Variants in AJM1 observed in about 807,000 individuals in gnomAD.
AJM1 encodes uncharacterized protein C9orf172.
AJM1 carries 22 observed loss-of-function variants against 43.0 expected under a neutral mutation model. The observed-to-expected ratio is 0.51, with a 90% CI of 0.37 to 0.73. The LOEUF (loss-of-function observed/expected upper bound fraction) is 0.73. AJM1 is among the 30% of genes least tolerant of loss of function. The pLI is 0.00. For missense variants in AJM1, 1,305 were observed against 1,343.3 expected, an observed-to-expected ratio of 0.97 and a Z score of 0.45; for synonymous variants, 719 against 638.3, an observed-to-expected ratio of 1.13 and a Z score of -1.91.
In AJM1 at chr9:136,847,351, C is replaced by A; in HGVS notation, c.*6C>A. On this transcript the variant is annotated 3_prime_UTR_variant, in exon 3 of 3. Transcript: ENST00000436881. ...TGCTGGACGACATCATGTGAGGCGC[C>A]GGGCCCACCAGGCCTAGCCCAGGCG... 1 of 1,504,774 alleles carries A rather than the reference C, an allele frequency of 6.6e-7. No individual in the cohort carries two copies. The highest frequency in any genetic ancestry group is 1.2e-5 in the South Asian group (1 of 80,598). 93.2% of individuals were successfully genotyped at this position (1,504,774 alleles called of 1,614,324 possible). A position where few individuals can be genotyped will look rare whatever the true frequency, so the allele number is the denominator to read the frequency against.
chr9:136,844,140 G>GA (rs1848735832), intron 1 of AJM1, among the ~76,000 whole-genome samples, 56 bp from the exon 2 acceptor site: 1 of 152,220 alleles, frequency 6.6e-6, no homozygotes, highest in African/African-American at 2.4e-5. Context: ...CCATCGCAGG[G>GA]AGAGGACGGG....
chr9:136,845,773 G>T lies in AJM1; in HGVS notation c.1359G>T (p.Leu453=). The change falls in exon 3 of 3, where the codon CTG becomes CTT. Residue 453 remains leucine (L), a synonymous_variant. Coordinates refer to ENST00000436881, the MANE Select transcript of AJM1 (RefSeq NM_001080482.5). ...ACTCGCGCTCCTGGGACAACATTCTGGCCCCGGGGCCGCGCCGAGAAGACC... is the reference window on the plus strand; with the variant it reads ...ACTCGCGCTCCTGGGACAACATTCTTGCCCCGGGGCCGCGCCGAGAAGACC... ...RHYSRSWDNI[L]APGPRREDPL... 6.3e-7 allele frequency: 1 copy of T among 1,575,182 alleles called. No homozygotes were observed. Among genetic ancestry groups the T allele is most frequent in the Non-Finnish European group, 8.6e-7 (1 of 1,168,258 alleles).
rs1440934221 is a variant in AJM1 at position 136,847,099 on chromosome 9, C to G, written c.2685C>G (p.Arg895=). Residue 895 remains arginine, a synonymous_variant, in exon 3 of 3, where the codon CGC becomes CGG. Transcript: ENST00000436881. The stretch of plus-strand genomic sequence containing the variant: ...ACGGCGAGGCGGGCCGGCGCGCGCG[C>G]GAGGTGGCCTTCATCCACATCCAGC... The part of the protein sequence containing the change: ...DQDGEAGRRA[R]EVAFIHIQRE... The G allele has an allele frequency of 1.1e-5, 17 of 1,527,452 alleles. No individual in the cohort carries two copies. Among genetic ancestry groups the G allele is most frequent in the Non-Finnish European group, 1.5e-5 (17 of 1,140,570 alleles). 94.6% of individuals were successfully genotyped at this position (1,527,452 alleles called of 1,614,324 possible).
chr9:136,846,331 C>T lies in AJM1; in HGVS notation c.1917C>T (p.Ala639=), dbSNP rs1848774308. ...CGCCCCCCGCCTCGGCCGGCAGCGC[C>T]GAGGAGCCCGCGGCCCCGGGAGAGG... ...PRSPPASAGS[A]EEPAAPGEAA... The change falls in exon 3 of 3, where the codon GCC becomes GCT. Residue 639 remains alanine, a synonymous_variant. Coordinates refer to ENST00000436881, the MANE Select transcript of AJM1 (RefSeq NM_001080482.5). 4.6e-6 allele frequency: 6 copies of T among 1,292,006 alleles called. No homozygotes were observed. The South Asian group carries it at 1.0e-4, about 22-fold the overall frequency. The allele number at this position is 1,292,006 out of a possible 1,614,324, so 80.0% of individuals were successfully genotyped here.
Position 136,847,374 on chromosome 9 carries a change from G to A in AJM1, c.*29G>A. 1 of 1,457,760 alleles carries A rather than the reference G, an allele frequency of 6.9e-7. No individual in the cohort carries two copies. Among genetic ancestry groups the A allele is most frequent in the Non-Finnish European group, 9.1e-7 (1 of 1,104,482 alleles). The allele number at this position is 1,457,760 out of a possible 1,614,324, so 90.3% of individuals were successfully genotyped here. ...GCCGGGCCCACCAGGCCTAGCCCAG[G>A]CGCTGGCCCGAACCCTGCCCTGCCC... On this transcript the variant is annotated 3_prime_UTR_variant, in exon 3 of 3. Coordinates refer to ENST00000436881, the MANE Select transcript of AJM1 (RefSeq NM_001080482.5).
rs1848762010 is a variant in AJM1, at chr9:136,845,607, G to C, written c.1193G>C (p.Ser398Thr). 13 of 1,582,512 alleles carry C rather than the reference G, an allele frequency of 8.2e-6. No individual in the cohort carries two copies. The highest frequency in any genetic ancestry group is 1.1e-5 in the Non-Finnish European group (13 of 1,169,832). Residue 398 changes from serine to threonine, a missense_variant, in exon 3 of 3, where the codon AGC becomes ACC. By Grantham distance (58) the Ser-to-Thr change is moderately conservative. Coordinates refer to ENST00000436881, the MANE Select transcript of AJM1 (RefSeq NM_001080482.5). ...LARTYPHPRS[S>T]PAWADWGPRP... ...CGGACGTACCCGCACCCGCGCAGCA[G>C]CCCGGCCTGGGCGGACTGGGGCCCG...
At chr9:136,843,545 G>C (rs1297512995) in intron 1 of AJM1, among the ~76,000 whole-genome samples, 3 of 152,258 alleles carry the variant, frequency 2.0e-5, no homozygotes, top group Admixed American at 1.3e-4. Context: ...CAAACCCTAG[G>C]GGGGTGTCCT....
At position 136,845,017 on chromosome 9, in the gene AJM1, C is replaced by T; in HGVS notation, c.603C>T (p.Thr201=). ...KPDDAVLQHA[T]RGSRSCGPTE... ...ACGACGCAGTGCTCCAGCACGCCAC[C>T]CGGGGCTCGCGGTCCTGCGGGCCCA... Residue 201 remains threonine, a synonymous_variant, in exon 3 of 3, where the codon ACC becomes ACT. Transcript: ENST00000436881. 1.5e-6 allele frequency: 1 copy of T among 684,782 alleles called. No homozygotes were observed. Among genetic ancestry groups the T allele is most frequent in the Non-Finnish European group, 2.5e-6 (1 of 404,036 alleles). The allele number at this position is 684,782 out of a possible 1,614,324, so 42.4% of individuals were successfully genotyped here. A position where few individuals can be genotyped will look rare whatever the true frequency, so the allele number is the denominator to read the frequency against.
chr9:136,845,542 G>C lies in AJM1; in HGVS notation c.1128G>C (p.Thr376=). 6.3e-7 allele frequency: 1 copy of C among 1,595,582 alleles called. No individual in the cohort carries two copies. Among genetic ancestry groups the C allele is most frequent in the Non-Finnish European group, 8.5e-7 (1 of 1,172,514 alleles). ...ACTCCACCGCCCGCCCCTTTTACAC[G>C]GAGGACTTCGGAAGGTACCGCGAGC... ...RAHSTARPFY[T]EDFGRYRERD... is the part of the protein sequence containing the mutation. Residue 376 remains threonine (T), a synonymous_variant, in exon 3 of 3, where the codon ACG becomes ACC. Coordinates refer to ENST00000436881, the MANE Select transcript of AJM1 (RefSeq NM_001080482.5).
chr9:136,843,914 A>G (rs1342102373), intron 1 of AJM1, among the ~76,000 whole-genome samples: 1 of 152,132 alleles, frequency 6.6e-6, no homozygotes. Flanking sequence ...GGCAACACCT[A>G]TAAATAAGGC....
rs1848773396 is a variant in AJM1 at position 136,846,272 on chromosome 9, G to A, written c.1858G>A (p.Gly620Ser). 2.0e-5 allele frequency: 25 copies of A among 1,253,552 alleles called. No individual in the cohort carries two copies. The highest frequency in any genetic ancestry group is 2.4e-5 in the Non-Finnish European group (24 of 988,190). 77.7% of individuals were successfully genotyped at this position (1,253,552 alleles called of 1,614,324 possible). A position where few individuals can be genotyped will look rare whatever the true frequency, so the allele number is the denominator to read the frequency against. ...CCGACTGCTGGACTCGCGGCCCGCG[G>A]GCTCCGGGGCCCCCGCGCTGGCGCC... Reference protein sequence around the residue: ...LRRLLDSRPAGSGAPALAPPR... With the variant: ...LRRLLDSRPASSGAPALAPPR... Residue 620 changes from glycine to serine, a missense_variant, in exon 3 of 3, where the codon GGC becomes AGC. Gly to Ser is a moderately conservative substitution (Grantham distance 56). Around this residue, in one of 6 missense-constraint regions of AJM1, gnomAD observed 391 missense variants for 507.5 expected, o/e 0.77. Transcript: ENST00000436881.
At position 136,845,674 on chromosome 9, in the gene AJM1, C is replaced by CGAG; in HGVS notation, c.1262_1263insGGA (p.Pro420_Asp421insGlu). The CGAG allele has an allele frequency of 4.4e-6, 7 of 1,575,728 alleles. No individual in the cohort carries two copies. The highest frequency in any genetic ancestry group is 6.0e-6 in the Non-Finnish European group (7 of 1,168,834). On this transcript the variant is annotated inframe_insertion, in exon 3 of 3. Transcript: ENST00000436881. ...TGCAAGTGGTGCCGCCCTCTGACCC[C>CGAG]GACCCGTTGCTCGCCTCCTGGCACG...
In AJM1 at chr9:136,846,878, C is replaced by T; in HGVS notation, c.2464C>T (p.Pro822Ser). 6.5e-7 allele frequency: 1 copy of T among 1,543,228 alleles called. No homozygotes were observed. The highest frequency in any genetic ancestry group is 8.7e-7 in the Non-Finnish European group (1 of 1,154,212). Residue 822 changes from proline to serine, a missense_variant, in exon 3 of 3, where the codon CCC becomes TCC. By Grantham distance (74) the Pro-to-Ser change is moderately conservative (BLOSUM62 -1). Around this residue, in one of 6 missense-constraint regions of AJM1, gnomAD observed 391 missense variants for 507.5 expected, o/e 0.77. Coordinates refer to ENST00000436881, the MANE Select transcript of AJM1 (RefSeq NM_001080482.5). Reference protein sequence around the residue: ...FLLSVSVAVGPGTAPPGTPAL... With the variant: ...FLLSVSVAVGSGTAPPGTPAL... ...GCTCAGCGTGTCCGTGGCCGTGGGACCCGGCACCGCGCCACCGGGGACACC... is the reference window on the plus strand; with the variant it reads ...GCTCAGCGTGTCCGTGGCCGTGGGATCCGGCACCGCGCCACCGGGGACACC...
chr9:136,845,020 G>C lies in AJM1; in HGVS notation c.606G>C (p.Arg202=). The C allele has an allele frequency of 1.5e-6, 1 of 688,396 alleles. No homozygotes were observed. The highest frequency in any genetic ancestry group is 2.5e-6 in the Non-Finnish European group (1 of 406,410). 42.6% of individuals were successfully genotyped at this position (688,396 alleles called of 1,614,324 possible). Residue 202 remains arginine (R), a synonymous_variant, in exon 3 of 3, where the codon CGG becomes CGC. Transcript: ENST00000436881. ...ACGCAGTGCTCCAGCACGCCACCCG[G>C]GGCTCGCGGTCCTGCGGGCCCACCG... ...PDDAVLQHAT[R]GSRSCGPTEA...
rs1294191901 is a variant in AJM1, at chr9:136,845,612, G to A, written c.1198G>A (p.Ala400Thr). ...GTACCCGCACCCGCGCAGCAGCCCG[G>A]CCTGGGCGGACTGGGGCCCGCGACC... ...RTYPHPRSSP[A>T]WADWGPRPYR... is the part of the protein sequence containing the mutation. Residue 400 changes from alanine to threonine, a missense_variant, in exon 3 of 3, where the codon GCC (alanine) becomes ACC (threonine). Physicochemically the swap from Ala to Thr is moderately conservative, Grantham distance 58. Transcript: ENST00000436881. 3.8e-6 allele frequency: 6 copies of A among 1,581,520 alleles called. No individual in the cohort carries two copies. Among genetic ancestry groups the A allele is most frequent in the Non-Finnish European group, 4.3e-6 (5 of 1,169,548 alleles).
rs922461536 is a variant in AJM1 at position 136,847,143 on chromosome 9, G to A, written c.2729G>A (p.Gly910Asp). The change falls in exon 3 of 3, where the codon GGC becomes GAC. Residue 910 changes from glycine (G) to aspartate (D), a missense_variant. By Grantham distance (94) the Gly-to-Asp change is moderately conservative. Transcript: ENST00000436881. ...ATCCAGCGCGAGCTGCGGCTGCGCG[G>A]CGTCTTCCTGCGCCACGAGTTCCCG... ...IHIQRELRLR[G>D]VFLRHEFPRV... 30 of 1,597,464 alleles carry A rather than the reference G, an allele frequency of 1.9e-5. No homozygotes were observed. Among genetic ancestry groups the A allele is most frequent in the Non-Finnish European group, 2.5e-5 (29 of 1,177,866 alleles).
chr9:136,845,991 A>G lies in AJM1; in HGVS notation c.1577A>G (p.Asn526Ser). The G allele has an allele frequency of 6.4e-7, 1 of 1,552,764 alleles. No individual in the cohort carries two copies. The highest frequency in any genetic ancestry group is 8.7e-7 in the Non-Finnish European group (1 of 1,149,728). Residue 526 changes from asparagine (N) to serine (S), a missense_variant, in exon 3 of 3, where the codon AAC becomes AGC. By Grantham distance (46) the Asn-to-Ser change is conservative (BLOSUM62 1). Transcript: ENST00000436881. The stretch of plus-strand genomic sequence containing the variant: ...CGCGCGGGCGAGGGCCTGGGCCGCA[A>G]CTGGTACGTGACGCCCGAGATCACC... Reference protein sequence around the residue: ...KGRAGEGLGRNWYVTPEITIT... With the variant: ...KGRAGEGLGRSWYVTPEITIT...
rs1463000714 is a variant in AJM1, at chr9:136,844,246, C to G, written c.-93C>G. Among the ~76,000 whole-genome samples the G allele has an allele frequency of 6.6e-6, 1 of 152,196 alleles. No homozygotes were observed. Among genetic ancestry groups the G allele is most frequent in the Non-Finnish European group, 1.5e-5 (1 of 68,040 alleles). ...AGCGCCCGCGTTCTCGGCCCAGGCC[C>G]GCAGCCAGGGCTGCTCCGCCCGCTG... On this transcript the variant is annotated 5_prime_UTR_variant, in exon 2 of 3. Coordinates refer to ENST00000436881, the MANE Select transcript of AJM1 (RefSeq NM_001080482.5).
rs776329253 is a variant in AJM1, at chr9:136,846,403, G to A, written c.1989G>A (p.Met663Ile). The change falls in exon 3 of 3, where the codon ATG becomes ATA. Residue 663 changes from methionine to isoleucine, a missense_variant. This residue lies in a region of AJM1 where 391 missense variants were observed against 507.5 expected (regional missense o/e 0.77). Coordinates refer to ENST00000436881, the MANE Select transcript of AJM1 (RefSeq NM_001080482.5). ...PEPSADEDDL[M>I]TCSNARCRRT... The stretch of plus-strand genomic sequence containing the variant: ...CCAGCGCCGACGAGGACGACCTGAT[G>A]ACCTGCTCCAATGCGCGCTGCCGGC... 1.9e-6 allele frequency: 3 copies of A among 1,582,500 alleles called. No individual in the cohort carries two copies. Among genetic ancestry groups the A allele is most frequent in the African/African-American group, 1.4e-5 (1 of 73,322 alleles).
Sources: gnomAD v4.1 joint callset for allele counts (sites outside exome capture counted in the v4.1 genomes callset) on GRCh38, gnomAD v4.1.1 for gene constraint, gnomAD v4.1.1 regional missense constraint, MANE v1.5 for transcripts, NCBI Gene and HGNC (gene_info 2026-07-23, HGNC 2026-07-21) for gene names.